CACNA2D3: variants seen among roughly 807,000 people sequenced by gnomAD.
CACNA2D3 encodes voltage-dependent calcium channel subunit alpha-2/delta-3.
In CACNA2D3, 60 loss-of-function variants were observed where a neutral mutation model predicts 160.6. That is an observed-to-expected ratio of 0.37 (90% CI 0.30 to 0.46). The LOEUF is 0.46. Among genes scored for constraint, CACNA2D3 ranks in the 20% least tolerant of loss-of-function variants. The pLI is 1.00. For synonymous variants in CACNA2D3, 558 were observed against 492.9 expected, an observed-to-expected ratio of 1.13 and a Z score of -1.75; for missense variants, 1,205 against 1,365.0, an observed-to-expected ratio of 0.88 and a Z score of 1.85.
chr3:54,967,313 A>G (rs1428001767), intron 27 of CACNA2D3, among the ~76,000 whole-genome samples: 3 of 152,252 alleles, frequency 2.0e-5, no homozygotes, highest in Non-Finnish European at 4.4e-5. Context: ...TCCTGAAGCC[A>G]GCACAACAAT....
chr3:54,965,567 A>G (rs369347050), intron 27 of CACNA2D3, among the ~76,000 whole-genome samples: 24 of 152,334 alleles, frequency 1.6e-4, no homozygotes, highest in African/African-American at 5.5e-4. Flanking sequence ...CTGGACGTGG[A>G]GGGAGCTTAG....
intron 27 of CACNA2D3, among the ~76,000 whole-genome samples, chr3:54,929,009 AT>A (rs1382770759): frequency 2.0e-5 from 3 of 152,228 alleles, no homozygotes; most frequent in Non-Finnish European, 4.4e-5. Context: ...ATAAAACAAA[AT>A]GTTCTGCTGT....
intron 2 of CACNA2D3, among the ~76,000 whole-genome samples, chr3:54,300,876 C>T (rs1274726513): frequency 6.6e-6 from 1 of 152,048 alleles, no homozygotes; most frequent in Non-Finnish European, 1.5e-5. Context: ...AAAAAATTAG[C>T]TGGGCATGGT....
intron 11 of CACNA2D3, among the ~76,000 whole-genome samples, chr3:54,695,295 G>A (rs1478063801): frequency 6.6e-6 from 1 of 152,080 alleles, no homozygotes; most frequent in Non-Finnish European, 1.5e-5. Context: ...TGGTATTAGA[G>A]GCATGAGCCA....
chr3:54,997,090 G>A (rs993051179), intron 31 of CACNA2D3, among the ~76,000 whole-genome samples: 1 of 152,118 alleles, frequency 6.6e-6, no homozygotes, highest in African/African-American at 2.4e-5. Flanking sequence ...GTTGATGGGT[G>A]TAGCAAACCA....
chr3:54,421,692 GTT>G (rs1699838733), intron 4 of CACNA2D3, among the ~76,000 whole-genome samples: 1 of 152,178 alleles, frequency 6.6e-6, no homozygotes, highest in Admixed American at 6.5e-5. Context: ...CGGTTATCAT[GTT>G]GAGGGTTGGG....
At chr3:54,353,601 A>T (rs1698601649) in intron 3 of CACNA2D3, among the ~76,000 whole-genome samples, 1 of 152,048 alleles carries the variant, frequency 6.6e-6, no homozygotes, top group African/African-American at 2.4e-5. Flanking sequence ...CCTGCCACCC[A>T]ACTCTTTCCC....
At chr3:55,011,300 C>G (rs1444148930) in intron 34 of CACNA2D3, among the ~76,000 whole-genome samples, 1 of 152,178 alleles carries the variant, frequency 6.6e-6, no homozygotes, top group African/African-American at 2.4e-5. Flanking sequence ...ACCCCCAGGA[C>G]TGGGACCCAA....
At chr3:54,856,236 G>A (rs1180800245) in intron 17 of CACNA2D3, among the ~76,000 whole-genome samples, 1 of 144,370 alleles carries the variant, frequency 6.9e-6, no homozygotes, top group Non-Finnish European at 1.5e-5. Flanking sequence ...CAAGCACCAC[G>A]GTTGAGAGTA....
At chr3:54,163,963 G>C (rs1357468147) in intron 2 of CACNA2D3, among the ~76,000 whole-genome samples, 1 of 152,208 alleles carries the variant, frequency 6.6e-6, no homozygotes, top group Admixed American at 6.5e-5. Context: ...GAGGGAGAGG[G>C]AATAGCCCAC....
intron 9 of CACNA2D3, among the ~76,000 whole-genome samples, chr3:54,617,183 C>T (rs1001049413): frequency 6.6e-6 from 1 of 152,130 alleles, no homozygotes; most frequent in Non-Finnish European, 1.5e-5. Context: ...TGTTTTGGCA[C>T]ACCTTTGCTA....
chr3:54,833,276 G>T (rs1260259070), intron 14 of CACNA2D3, among the ~76,000 whole-genome samples: 1 of 152,200 alleles, frequency 6.6e-6, no homozygotes, highest in Non-Finnish European at 1.5e-5. Context: ...TCAGAGGCCT[G>T]CTTAAAGCCT....
intron 13 of CACNA2D3, among the ~76,000 whole-genome samples, chr3:54,774,263 C>T (rs913590613): frequency 5.3e-5 from 8 of 152,142 alleles, no homozygotes; most frequent in Non-Finnish European, 8.8e-5. Flanking sequence ...TAATTTATAA[C>T]GAAAAGAGGT....
At chr3:54,928,648 G>A (rs909007430) in intron 27 of CACNA2D3, among the ~76,000 whole-genome samples, 2 of 152,034 alleles carry the variant, frequency 1.3e-5, no homozygotes, top group African/African-American at 4.8e-5. Flanking sequence ...CTTCCTTCTG[G>A]TGCCACAAAT....
intron 29 of CACNA2D3, among the ~76,000 whole-genome samples, chr3:54,975,719 T>C (rs937353746): frequency 2.0e-5 from 3 of 152,068 alleles, no homozygotes; most frequent in Non-Finnish European, 4.4e-5. Context: ...ATAATGGACA[T>C]ATTTTTTTCT....
At chr3:54,913,952 T>C (rs1426382225) in intron 27 of CACNA2D3, among the ~76,000 whole-genome samples, 1 of 152,300 alleles carries the variant, frequency 6.6e-6, no homozygotes, top group East Asian at 1.9e-4. Context: ...CGAAATTGGG[T>C]GCTCAGTAAA....
At chr3:54,842,467 C>G (rs563623217) in intron 16 of CACNA2D3, among the ~76,000 whole-genome samples, 3 of 152,172 alleles carry the variant, frequency 2.0e-5, no homozygotes, top group Admixed American at 6.5e-5. Flanking sequence ...CTGACCTTGT[C>G]CTAGGGACTG....
At chr3:54,351,078 C>G (rs914615956) in intron 3 of CACNA2D3, among the ~76,000 whole-genome samples, 2 of 144,602 alleles carry the variant, frequency 1.4e-5, no homozygotes. Flanking sequence ...ACCTCCTGGG[C>G]TCAAGCAATT....
intron 4 of CACNA2D3, among the ~76,000 whole-genome samples, chr3:54,432,179 A>G (rs1700000350): frequency 6.6e-6 from 1 of 152,210 alleles, no homozygotes; most frequent in Non-Finnish European, 1.5e-5. Context: ...GTGTTCATAG[A>G]TATACATCTA....
Sources: gnomAD v4.1 joint callset for allele counts (sites outside exome capture counted in the v4.1 genomes callset) on GRCh38, gnomAD v4.1.1 for gene constraint, MANE v1.5 for transcripts, NCBI Gene and HGNC (gene_info 2026-07-23, HGNC 2026-07-21) for gene names.